The following HOMER2 variants were observed in gnomAD, a reference collection of about 807,000 sequenced individuals.
HOMER2 encodes the protein homer scaffold protein 2, also known as homer protein homolog 2.
Under a neutral mutation model 47.0 loss-of-function variants are expected in HOMER2, and 27 were observed. The observed-to-expected ratio is 0.57, with a 90% CI of 0.42 to 0.79. The LOEUF (loss-of-function observed/expected upper bound fraction) is 0.79, where lower values mean the gene tolerates loss of function less well. HOMER2 is among the 30% of genes least tolerant of loss of function. The pLI is 0.00. For missense variants in HOMER2, 443 were observed against 435.0 expected, an observed-to-expected ratio of 1.02 and a Z score of -0.16; for synonymous variants, 161 against 163.8, an observed-to-expected ratio of 0.98 and a Z score of 0.13.
intron 1 of HOMER2, among the ~76,000 whole-genome samples, chr15:82,933,943 G>T (rs1026207031): frequency 6.6e-6 from 1 of 152,034 alleles, no homozygotes; most frequent in Admixed American, 6.5e-5. Context: ...CCAGCAACAC[G>T]CAGAGTTCTC....
At chr15:82,927,067 AATACC>A (rs1198362955) in intron 1 of HOMER2, among the ~76,000 whole-genome samples, 3 of 152,228 alleles carry the variant, frequency 2.0e-5, no homozygotes, top group Non-Finnish European at 4.4e-5. Context: ...CCCACCTCCT[AATACC>A]ATCACATTCA....
rs77076599 is a variant in HOMER2, at chr15:82,935,941, C to A, written c.5+16590G>T. On this transcript the variant is annotated intron_variant, in intron 1 of 8. Transcript: ENST00000450735. Reference sequence around the variant, plus strand: ...GCTCTTCTTAAATCTGAAGAAGGATCATGCTGCAGCCCTGCTAAAACCTTT... The same window carrying A: ...GCTCTTCTTAAATCTGAAGAAGGATAATGCTGCAGCCCTGCTAAAACCTTT... Among the ~76,000 whole-genome samples the A allele has an allele frequency of 3.1e-3, 478 of 152,334 alleles. 9 individuals are homozygous for A. The East Asian group carries it at 0.057, about 18-fold the overall frequency.
intron 5 of HOMER2, among the ~76,000 whole-genome samples, chr15:82,856,721 C>T (rs2051599491): frequency 1.3e-5 from 2 of 152,214 alleles, no homozygotes; most frequent in Non-Finnish European, 2.9e-5. Context: ...CAAAGAGTCA[C>T]AGTCCAAAGG....
At chr15:82,895,623 G>A (rs1404528461) in intron 1 of HOMER2, among the ~76,000 whole-genome samples, 2 of 152,224 alleles carry the variant, frequency 1.3e-5, no homozygotes, top group Non-Finnish European at 2.9e-5. Flanking sequence ...ATCAAATTAT[G>A]CCTCATTGTC....
In HOMER2 at chr15:82,852,209, TTCTC is replaced by T; in HGVS notation, c.691_694del (p.Glu231ArgfsTer7). The T allele has an allele frequency of 2.5e-6, 4 of 1,613,976 alleles. No individual in the cohort carries two copies. Among genetic ancestry groups the T allele is most frequent in the Non-Finnish European group, 3.4e-6 (4 of 1,179,882 alleles). Reference sequence around the variant, plus strand: ...CCTCTTCAGCTGCGTGTTCTTCTCCTTCTCTCTGTTGATCTCACTGCATTGTTCT... The same window carrying T: ...CCTCTTCAGCTGCGTGTTCTTCTCCTTCTGTTGATCTCACTGCATTGTTCT... On this transcript the variant is annotated frameshift_variant, in exon 7 of 9. Transcript: ENST00000450735. LOFTEE classifies it high-confidence loss of function.
chr15:82,925,801 C>G (rs1392034456), intron 1 of HOMER2: 1 of 152,180 alleles, frequency 6.6e-6, no homozygotes, highest in Admixed American at 6.5e-5. Flanking sequence ...CTCATTGCCC[C>G]TTCTAGATAA....
At chr15:82,912,502 A>G (rs996951098) in intron 1 of HOMER2, among the ~76,000 whole-genome samples, 1 of 152,084 alleles carries the variant, frequency 6.6e-6, no homozygotes, top group Admixed American at 6.5e-5. Context: ...GATGGACATT[A>G]GGGTTGTTTC....
At chr15:82,962,364 C>CAAAA (rs34651312) in intron 1 of HOMER2, among the ~76,000 whole-genome samples, 1 of 44,284 alleles carries the variant, frequency 2.3e-5, no homozygotes. Context: ...GACTCCGTCT[C>CAAAA]AAAAAAAAAA....
chr15:82,936,470 T>G (rs1449003540), intron 1 of HOMER2, among the ~76,000 whole-genome samples: 1 of 152,218 alleles, frequency 6.6e-6, no homozygotes, highest in Admixed American at 6.5e-5. Context: ...AATGATACTA[T>G]TTTTGGTATA....
chr15:82,897,788 CCAA>C lies in HOMER2; in HGVS notation c.6-4950_6-4948del, dbSNP rs1235543030. ...CTCCCTTGGAGGAATGGAAATTCAG[CCAA>C]CAACCACATGAGCTTGGAAGCAGAT... is the stretch of plus-strand genomic sequence containing the variant. On this transcript the variant is annotated intron_variant, in intron 1 of 8. Coordinates refer to ENST00000450735, the MANE Select transcript of HOMER2 (RefSeq NM_004839.4). Among the ~76,000 whole-genome samples, 4 of 152,162 alleles carry C rather than the reference CCAA, an allele frequency of 2.6e-5. No individual in the cohort carries two copies. In the South Asian group the frequency reaches 8.3e-4, roughly 31 times the overall value.
At chr15:82,909,162 T>G (rs1347281300) in intron 1 of HOMER2, among the ~76,000 whole-genome samples, 1 of 152,174 alleles carries the variant, frequency 6.6e-6, no homozygotes, top group Admixed American at 6.5e-5. Flanking sequence ...TCAGGTTGAT[T>G]GATCATTCCA....
At chr15:82,954,847 C>T (rs540229851), upstream of HOMER2, among the ~76,000 whole-genome samples, 60 of 150,438 alleles carry the variant, frequency 4.0e-4, no homozygotes, top group South Asian at 0.012. Context: ...GGCATGATCT[C>T]AGGGCACCAC....
intron 1 of HOMER2, among the ~76,000 whole-genome samples, chr15:82,930,140 C>A (rs1388804875): frequency 6.6e-6 from 1 of 152,186 alleles, no homozygotes; most frequent in African/African-American, 2.4e-5. Context: ...CAAAATGTGA[C>A]CCTCTGGGTG....
At chr15:82,908,239 A>T (rs1157821146) in intron 1 of HOMER2, among the ~76,000 whole-genome samples, 3 of 152,354 alleles carry the variant, frequency 2.0e-5, no homozygotes, top group African/African-American at 7.2e-5. Flanking sequence ...ATATGTATTT[A>T]TACATTCATT....
chr15:82,839,378 C>T (rs965216494), exon 2 of HOMER2: 2 of 152,198 alleles, frequency 1.3e-5, no homozygotes, highest in Admixed American at 1.3e-4. Context: ...TATGCCCCAG[C>T]CCCCACTTCC....
chr15:82,867,958 T>C (rs1051304817), intron 3 of HOMER2, among the ~76,000 whole-genome samples: 1 of 152,194 alleles, frequency 6.6e-6, no homozygotes, highest in Non-Finnish European at 1.5e-5. Context: ...CTGCCAGTCA[T>C]GAGAGCCGCC....
At position 82,888,670 on chromosome 15, in the gene HOMER2, G is replaced by A. The variant is rs1246339627; in HGVS notation, c.162+4015C>T. On this transcript the variant is annotated intron_variant, in intron 2 of 8. Transcript: ENST00000450735. ...GTGATCCGATTTTCCAGGTGCGTCC[G>A]TCACCCCTTTCTTTGACTCGGAAAG... 4.0e-5 allele frequency among the ~76,000 whole-genome samples: 3 copies of A among 75,140 alleles called. 1 individual carries two copies. Among genetic ancestry groups the A allele is most frequent in the Non-Finnish European group, 7.2e-5 (3 of 41,496 alleles). The allele number at this position is 75,140 out of a possible 152,430, so 49.3% of individuals were successfully genotyped here.
In HOMER2 at chr15:82,937,213, C is replaced by T. The variant is rs967788853; in HGVS notation, c.5+15318G>A. Among the ~76,000 whole-genome samples the T allele has an allele frequency of 2.0e-5, 3 of 152,196 alleles. No homozygotes were observed. The East Asian group carries it at 5.8e-4, about 29-fold the overall frequency. ...TCCCAACGCCAATGGGTTCCCAGGC[C>T]ACTGTGAATGACATACAGTCTAGAC... On this transcript the variant is annotated intron_variant, in intron 1 of 8. Coordinates refer to ENST00000450735, the MANE Select transcript of HOMER2 (RefSeq NM_004839.4).
chr15:82,837,402 G>A (rs1248024690), exon 2 of HOMER2: 3 of 152,238 alleles, frequency 2.0e-5, no homozygotes, highest in Admixed American at 6.5e-5. Flanking sequence ...TCCAGGCCCA[G>A]AATGCAAGGG....
Sources: allele counts gnomAD v4.1 joint callset (sites outside exome capture counted in the v4.1 genomes callset), GRCh38; gene constraint gnomAD v4.1.1; transcripts MANE v1.5; gene names NCBI Gene and HGNC (gene_info 2026-07-23, HGNC 2026-07-21).